GTF2H4: variants seen among roughly 807,000 people sequenced by gnomAD.
GTF2H4 encodes the protein BTF2 p52.
In GTF2H4, 49 loss-of-function variants were observed where a neutral mutation model predicts 62.2. The observed-to-expected ratio is 0.79, with a 90% CI of 0.63 to 1.00. The LOEUF is 1.00. Among genes scored for constraint, GTF2H4 ranks in the 50% least tolerant of loss-of-function variants. The pLI is 0.00. For synonymous variants in GTF2H4, 189 were observed against 233.8 expected (o/e 0.81, Z 1.75); for missense variants, 479 against 587.8 (o/e 0.81, Z 1.91).
chr6:30,911,365 C>T lies in GTF2H4; in HGVS notation c.673-66C>T. ...AGACTGTTCCCTGATTTTCTCTTCT[C>T]TGTCCCTTTCTTCCCATTGTCTCCC... On this transcript the variant is annotated intron_variant, in intron 7 of 13. Coordinates refer to ENST00000259895, the MANE Select transcript of GTF2H4 (RefSeq NM_001517.5). This position sits in a 1 kb window ranked among gnomAD's most constrained non-coding sequence, Gnocchi z 4.3. 1 of 1,537,840 alleles carries T rather than the reference C, an allele frequency of 6.5e-7. No homozygotes were observed. Among genetic ancestry groups the T allele is most frequent in the South Asian group, 1.1e-5 (1 of 89,606 alleles).
Position 30,909,520 on chromosome 6 carries a change from G to T in GTF2H4, c.223G>T (p.Val75Leu), listed in dbSNP as rs1582151216. ...PLPQAAVALW[V>L]KKEFSKAQEE... is the part of the protein sequence containing the mutation. ...GCCACAGGCTGCTGTAGCTCTGTGG[G>T]TAAAGAAGGAATTCAGCAAGTAAGT... The change falls in exon 3 of 14, where the codon GTA becomes TTA. Residue 75 changes from valine to leucine, a missense_variant. Transcript: ENST00000259895. This position sits in a 1 kb window ranked among gnomAD's most constrained non-coding sequence, Gnocchi z 4.3. 6.2e-7 allele frequency: 1 copy of T among 1,606,206 alleles called. No individual in the cohort carries two copies. Among genetic ancestry groups the T allele is most frequent in the African/African-American group, 1.3e-5 (1 of 74,790 alleles).
At position 30,909,856 on chromosome 6, in the gene GTF2H4, A is replaced by C; in HGVS notation, c.243-76A>C. ...TTCCAAGGGTCAGCAAGTTCAGAAC[A>C]GGCAGAGATGGTGGCTTTTATGGGC... On this transcript the variant is annotated intron_variant, in intron 3 of 13. Transcript: ENST00000259895. This position sits in a 1 kb window ranked among gnomAD's most constrained non-coding sequence, Gnocchi z 4.3. The C allele has an allele frequency of 2.1e-6, 3 of 1,424,444 alleles. No homozygotes were observed. The highest frequency in any genetic ancestry group is 2.9e-6 in the Non-Finnish European group (3 of 1,040,190). The allele number at this position is 1,424,444 out of a possible 1,614,324, so 88.2% of individuals were successfully genotyped here.
At position 30,914,000 on chromosome 6, in the gene GTF2H4, CACGGACCTCGGCGG is replaced by C; in HGVS notation, c.*18_*31del. 6.4e-7 allele frequency: 1 copy of C among 1,571,176 alleles called. No individual in the cohort carries two copies. ...AGCTCCTGAGAGCGCGGGACTTGGA[CACGGACCTCGGCGG>C]GCGGGACTGGGCGGGGCGGGGCATC... is the stretch of plus-strand genomic sequence containing the variant. On this transcript the variant is annotated 3_prime_UTR_variant, in exon 14 of 14. Transcript: ENST00000259895. The surrounding 1 kb of genome is among the most constrained non-coding windows in gnomAD (Gnocchi z 4.2).
Position 30,909,855 on chromosome 6 carries a change from C to A in GTF2H4, c.243-77C>A. ...GTTCCAAGGGTCAGCAAGTTCAGAACAGGCAGAGATGGTGGCTTTTATGGG... is the reference window on the plus strand; with the variant it reads ...GTTCCAAGGGTCAGCAAGTTCAGAAAAGGCAGAGATGGTGGCTTTTATGGG... On this transcript the variant is annotated intron_variant, in intron 3 of 13. Coordinates refer to ENST00000259895, the MANE Select transcript of GTF2H4 (RefSeq NM_001517.5). The surrounding 1 kb of genome is among the most constrained non-coding windows in gnomAD (Gnocchi z 4.3). The A allele has an allele frequency of 1.4e-6, 2 of 1,417,386 alleles. No homozygotes were observed. Among genetic ancestry groups the A allele is most frequent in the South Asian group, 1.3e-5 (1 of 75,798 alleles). The allele number at this position is 1,417,386 out of a possible 1,614,324, so 87.8% of individuals were successfully genotyped here.
chr6:30,911,215 G>A lies in GTF2H4; in HGVS notation c.618G>A (p.Leu206=). 2 of 1,613,646 alleles carry A rather than the reference G, an allele frequency of 1.2e-6. No individual in the cohort carries two copies. The highest frequency in any genetic ancestry group is 1.7e-6 in the Non-Finnish European group (2 of 1,179,996). Residue 206 remains leucine (L), a synonymous_variant, in exon 7 of 14, where the codon CTG becomes CTA. Coordinates refer to ENST00000259895, the MANE Select transcript of GTF2H4 (RefSeq NM_001517.5). This position sits in a 1 kb window ranked among gnomAD's most constrained non-coding sequence, Gnocchi z 4.3. ...ITSAGFQFLL[L]DTPAQLWYFM... is the part of the protein sequence containing the mutation. ...CCGCTGGCTTCCAGTTCCTGTTGCT[G>A]GACACCCCGGCTCAGCTCTGGTACT...
Position 30,909,633 on chromosome 6 carries a change from C to A in GTF2H4, c.242+94C>A. The A allele has an allele frequency of 2.6e-6, 2 of 756,440 alleles. No individual in the cohort carries two copies. The highest frequency in any genetic ancestry group is 1.6e-5 in the South Asian group (1 of 61,340). 46.9% of individuals were successfully genotyped at this position (756,440 alleles called of 1,614,324 possible). On this transcript the variant is annotated intron_variant, in intron 3 of 13. Coordinates refer to ENST00000259895, the MANE Select transcript of GTF2H4 (RefSeq NM_001517.5). The surrounding 1 kb of genome is among the most constrained non-coding windows in gnomAD (Gnocchi z 4.3). ...CCAGGAAGTGTTAATAGATATATCA[C>A]AAAACTTAAAAATAAATACATTTGG...
In GTF2H4 at chr6:30,910,618, A is replaced by C; in HGVS notation, c.375-47A>C. ...AGTACAGGGATTACAGGTGTGAGCC[A>C]CTGCGCCTGGCCAGGGTTCCTTACT... is the stretch of plus-strand genomic sequence containing the variant. On this transcript the variant is annotated intron_variant, in intron 4 of 13. Coordinates refer to ENST00000259895, the MANE Select transcript of GTF2H4 (RefSeq NM_001517.5). This position sits in a 1 kb window ranked among gnomAD's most constrained non-coding sequence, Gnocchi z 4.7. The C allele has an allele frequency of 7.2e-7, 1 of 1,385,128 alleles. No homozygotes were observed. The highest frequency in any genetic ancestry group is 1.0e-6 in the Non-Finnish European group (1 of 973,518). The allele number at this position is 1,385,128 out of a possible 1,614,324, so 85.8% of individuals were successfully genotyped here.
In GTF2H4 at chr6:30,909,866, G is replaced by A; in HGVS notation, c.243-66G>A. On this transcript the variant is annotated intron_variant, in intron 3 of 13. Transcript: ENST00000259895. This position sits in a 1 kb window ranked among gnomAD's most constrained non-coding sequence, Gnocchi z 4.3. ...CAGCAAGTTCAGAACAGGCAGAGAT[G>A]GTGGCTTTTATGGGCCTCCTTTTTG... 1 of 1,507,516 alleles carries A rather than the reference G, an allele frequency of 6.6e-7. No homozygotes were observed. The highest frequency in any genetic ancestry group is 1.8e-4 in the Middle Eastern group (1 of 5,644). 93.4% of individuals were successfully genotyped at this position (1,507,516 alleles called of 1,614,324 possible).
Position 30,913,115 on chromosome 6 carries a change from C to T in GTF2H4, c.1095C>T (p.Ile365=), listed in dbSNP as rs201930167. The change falls in exon 12 of 14, where the codon ATC becomes ATT. Residue 365 remains isoleucine (I), a synonymous_variant. Coordinates refer to ENST00000259895, the MANE Select transcript of GTF2H4 (RefSeq NM_001517.5). This position sits in a 1 kb window ranked among gnomAD's most constrained non-coding sequence, Gnocchi z 4.2. The part of the protein sequence containing the change: ...IASGITAQQI[I]HFLRTRAHPV... ...ATTCTTGTCTGTTTTCCTAGATAAT[C>T]CATTTCCTAAGGACAAGAGCCCACC... 1 of 1,614,078 alleles carries T rather than the reference C, an allele frequency of 6.2e-7. No individual in the cohort carries two copies. The highest frequency in any genetic ancestry group is 1.1e-5 in the South Asian group (1 of 91,074).
chr6:30,911,160 C>T lies in GTF2H4; in HGVS notation c.563C>T (p.Thr188Ile), dbSNP rs753854558. Residue 188 changes from threonine (T) to isoleucine (I), a missense_variant and splice_region_variant, in exon 7 of 14, where the codon ACT (threonine) becomes ATT (isoleucine). By Grantham distance (89) the Thr-to-Ile change is moderately conservative. Transcript: ENST00000259895. The surrounding 1 kb of genome is among the most constrained non-coding windows in gnomAD (Gnocchi z 4.3). ...LLSQAGLMKS[T>I]EPGEPPCITS... ...ATTGTCCTGGTCTTTGTCTCTAGTACTGAACCTGGAGAGCCGCCCTGCATT... is the reference window on the plus strand; with the variant it reads ...ATTGTCCTGGTCTTTGTCTCTAGTATTGAACCTGGAGAGCCGCCCTGCATT... The T allele has an allele frequency of 8.1e-6, 13 of 1,610,958 alleles. No individual in the cohort carries two copies. Among genetic ancestry groups the T allele is most frequent in the Middle Eastern group, 1.8e-4 (1 of 5,562 alleles).
At position 30,911,038 on chromosome 6, in the gene GTF2H4, C is replaced by A; in HGVS notation, c.560+97C>A. The A allele has an allele frequency of 7.5e-7, 1 of 1,335,672 alleles. No individual in the cohort carries two copies. Among genetic ancestry groups the A allele is most frequent in the Non-Finnish European group, 1.1e-6 (1 of 944,886 alleles). The allele number at this position is 1,335,672 out of a possible 1,614,324, so 82.7% of individuals were successfully genotyped here. The stretch of plus-strand genomic sequence containing the variant: ...GCTAGTCAAGATCAGAGGACATTAG[C>A]TGGAAAAGGCAAGCTGAGTAGAATA... On this transcript the variant is annotated intron_variant, in intron 6 of 13. Transcript: ENST00000259895. The surrounding 1 kb of genome is among the most constrained non-coding windows in gnomAD (Gnocchi z 4.3).
At position 30,912,192 on chromosome 6, in the gene GTF2H4, G is replaced by A. The variant is rs1195650880; in HGVS notation, c.958+46G>A. 1.9e-5 allele frequency: 30 copies of A among 1,609,162 alleles called. No homozygotes were observed. The highest frequency in any genetic ancestry group is 2.5e-5 in the Non-Finnish European group (29 of 1,177,602). ...CCTGGAAGAGGAGGTTGGGGGTGAG[G>A]GAATGCCAGTTTATGTTCGTGTTTA... On this transcript the variant is annotated intron_variant, in intron 10 of 13. Coordinates refer to ENST00000259895, the MANE Select transcript of GTF2H4 (RefSeq NM_001517.5). This position sits in a 1 kb window ranked among gnomAD's most constrained non-coding sequence, Gnocchi z 4.8.
rs1443517777 is a variant in GTF2H4, at chr6:30,909,693, T to C, written c.242+154T>C. The stretch of plus-strand genomic sequence containing the variant: ...CATATTGCCTTTTCCCTTTTATTTA[T>C]TTCCCAGCTGAGATCTTGCTTTCAA... On this transcript the variant is annotated intron_variant, in intron 3 of 13. Coordinates refer to ENST00000259895, the MANE Select transcript of GTF2H4 (RefSeq NM_001517.5). This position sits in a 1 kb window ranked among gnomAD's most constrained non-coding sequence, Gnocchi z 4.3. Among the ~76,000 whole-genome samples the C allele has an allele frequency of 1.3e-5, 2 of 152,250 alleles. No homozygotes were observed. Among genetic ancestry groups the C allele is most frequent in the African/African-American group, 4.8e-5 (2 of 41,468 alleles).
At position 30,913,929 on chromosome 6, in the gene GTF2H4, G is replaced by A. The variant is rs566265030; in HGVS notation, c.1335G>A (p.Pro445=). The A allele has an allele frequency of 2.3e-5, 37 of 1,608,138 alleles. 2 individuals carry two copies. The East Asian group carries it at 7.0e-4, about 30-fold the overall frequency. The part of the protein sequence containing the change: ...NSAKRLMVVT[P]AGHSDVKRFW... The stretch of plus-strand genomic sequence containing the variant: ...CCAAGCGGCTCATGGTGGTGACCCC[G>A]GCCGGGCACAGCGACGTCAAGCGCT... The change falls in exon 14 of 14, where the codon CCG becomes CCA. Residue 445 remains proline (P), a synonymous_variant. Coordinates refer to ENST00000259895, the MANE Select transcript of GTF2H4 (RefSeq NM_001517.5). This position sits in a 1 kb window ranked among gnomAD's most constrained non-coding sequence, Gnocchi z 4.2.
Position 30,913,679 on chromosome 6 carries a change from TA to T in GTF2H4, c.1217-128del. 2 of 853,450 alleles carry T rather than the reference TA, an allele frequency of 2.3e-6. No homozygotes were observed. Among genetic ancestry groups the T allele is most frequent in the Non-Finnish European group, 1.8e-6 (1 of 563,754 alleles). 52.9% of individuals were successfully genotyped at this position (853,450 alleles called of 1,614,324 possible). On this transcript the variant is annotated intron_variant, in intron 13 of 13. Transcript: ENST00000259895. The surrounding 1 kb of genome is among the most constrained non-coding windows in gnomAD (Gnocchi z 4.2). Reference sequence around the variant, plus strand: ...CAGACAAGCATAGAGAATTAGTTTGTAAAATTGCGGTGGGGGCAAGCCCAGA... The same window carrying T: ...CAGACAAGCATAGAGAATTAGTTTGTAAATTGCGGTGGGGGCAAGCCCAGA...
Position 30,912,086 on chromosome 6 carries a change from A to G in GTF2H4, c.898A>G (p.Thr300Ala), listed in dbSNP as rs772149687. The G allele has an allele frequency of 6.2e-7, 1 of 1,612,904 alleles. No homozygotes were observed. The highest frequency in any genetic ancestry group is 1.1e-5 in the South Asian group (1 of 91,074). ...LSSGVSGAGG[T>A]VHQPGFIVVE... ...ATCAGGTGTCTCTGGAGCTGGGGGC[A>G]CTGTGCATCAGCCAGGTTTCATTGT... Residue 300 changes from threonine to alanine, a missense_variant, in exon 10 of 14, where the codon ACT becomes GCT. Coordinates refer to ENST00000259895, the MANE Select transcript of GTF2H4 (RefSeq NM_001517.5). This position sits in a 1 kb window ranked among gnomAD's most constrained non-coding sequence, Gnocchi z 4.8.
In GTF2H4 at chr6:30,910,099, G is replaced by C; in HGVS notation, c.374+36G>C. The C allele has an allele frequency of 6.2e-7, 1 of 1,605,536 alleles. No individual in the cohort carries two copies. Among genetic ancestry groups the C allele is most frequent in the Non-Finnish European group, 8.5e-7 (1 of 1,176,380 alleles). On this transcript the variant is annotated intron_variant, in intron 4 of 13. Transcript: ENST00000259895. The surrounding 1 kb of genome is among the most constrained non-coding windows in gnomAD (Gnocchi z 4.7). Reference sequence around the variant, plus strand: ...TCTCTCTCTTCCTAAGCTAGGGCAGGGGAACTGCTGCTTATTAAACCACTA... The same window carrying C: ...TCTCTCTCTTCCTAAGCTAGGGCAGCGGAACTGCTGCTTATTAAACCACTA...
In GTF2H4 at chr6:30,913,268, C is replaced by T. The variant is rs771577329; in HGVS notation, c.1138-41C>T. 19 of 1,612,760 alleles carry T rather than the reference C, an allele frequency of 1.2e-5. No individual in the cohort carries two copies. The highest frequency in any genetic ancestry group is 3.3e-5 in the South Asian group (3 of 90,966). Reference sequence around the variant, plus strand: ...AAACAGAGGGCCGGGTTGTCTGGGGCAGTATTCTGAGTCCCTACAGTCAAC... The same window carrying T: ...AAACAGAGGGCCGGGTTGTCTGGGGTAGTATTCTGAGTCCCTACAGTCAAC... On this transcript the variant is annotated intron_variant, in intron 12 of 13. Transcript: ENST00000259895. This position sits in a 1 kb window ranked among gnomAD's most constrained non-coding sequence, Gnocchi z 4.2.
In GTF2H4 at chr6:30,909,616, T is replaced by C; in HGVS notation, c.242+77T>C. Reference sequence around the variant, plus strand: ...TGTTCCTTGGAGCACTTCCAGGAAGTGTTAATAGATATATCACAAAACTTA... The same window carrying C: ...TGTTCCTTGGAGCACTTCCAGGAAGCGTTAATAGATATATCACAAAACTTA... On this transcript the variant is annotated intron_variant, in intron 3 of 13. Coordinates refer to ENST00000259895, the MANE Select transcript of GTF2H4 (RefSeq NM_001517.5). This position sits in a 1 kb window ranked among gnomAD's most constrained non-coding sequence, Gnocchi z 4.3. 2.3e-6 allele frequency: 2 copies of C among 858,100 alleles called. No individual in the cohort carries two copies. Among genetic ancestry groups the C allele is most frequent in the Non-Finnish European group, 3.9e-6 (2 of 517,800 alleles). The allele number at this position is 858,100 out of a possible 1,614,324, so 53.2% of individuals were successfully genotyped here.
Sources: gnomAD v4.1 joint callset for allele counts (sites outside exome capture counted in the v4.1 genomes callset) on GRCh38, gnomAD v4.1.1 for gene constraint, Gnocchi (gnomAD v3.1) non-coding constraint, MANE v1.5 for transcripts, NCBI Gene and HGNC (gene_info 2026-07-23, HGNC 2026-07-21) for gene names.